Variants in HAO1 observed in about 807,000 individuals in gnomAD.
HAO1 encodes the protein hydroxyacid oxidase 1.
HAO1 carries 34 observed loss-of-function variants against 39.7 expected under a neutral mutation model. The ratio of observed to expected loss-of-function variants is 0.86; its 90% CI spans 0.65 to 1.14. The LOEUF (loss-of-function observed/expected upper bound fraction) is 1.14, where lower values mean the gene tolerates loss of function less well. Ranked by LOEUF, HAO1 falls within the 50% of genes most tolerant of loss-of-function variation. The pLI, the probability that HAO1 is intolerant of heterozygous loss-of-function variation, is 0.00. For missense variants in HAO1, 479 were observed against 464.5 expected (o/e 1.03, Z -0.29); for synonymous variants, 172 against 173.2 (o/e 0.99, Z 0.05).
intron 3 of HAO1, among the ~76,000 whole-genome samples, chr20:7,911,703 CTT>C (rs1248364939): frequency 6.6e-6 from 1 of 152,226 alleles, no homozygotes; most frequent in Non-Finnish European, 1.5e-5. Flanking sequence ...CTCCCCCACA[CTT>C]GGGCAGAGGA....
intron 3 of HAO1, among the ~76,000 whole-genome samples, chr20:7,911,296 G>A (rs929836685): frequency 6.6e-6 from 1 of 152,214 alleles, no homozygotes; most frequent in Middle Eastern, 3.4e-3. Flanking sequence ...ATCATTTCTG[G>A]GCTTAAGAAA....
intron 1 of HAO1, among the ~76,000 whole-genome samples, chr20:7,939,735 A>G (rs551463086): frequency 3.3e-4 from 50 of 152,344 alleles, no homozygotes; most frequent in Admixed American, 2.0e-4. Context: ...TAATTTGGGA[A>G]GAGAGATGAA....
intron 3 of HAO1, among the ~76,000 whole-genome samples, chr20:7,910,018 A>G (rs987166436): frequency 6.6e-6 from 1 of 152,232 alleles, no homozygotes; most frequent in Non-Finnish European, 1.5e-5. Context: ...ATCCCGGTTC[A>G]GCCTCTTACT....
chr20:7,884,977 G>A (rs962835741), intron 7 of HAO1, among the ~76,000 whole-genome samples: 6 of 152,160 alleles, frequency 3.9e-5, no homozygotes, highest in Non-Finnish European at 5.9e-5. Flanking sequence ...CAGTGGAGAT[G>A]ACAGGGAGGT....
At chr20:7,937,496 T>A (rs2050418324) in intron 1 of HAO1, among the ~76,000 whole-genome samples, 1 of 152,108 alleles carries the variant, frequency 6.6e-6, no homozygotes, top group South Asian at 2.1e-4. Flanking sequence ...AATATTAAAG[T>A]GAAAGAATGA....
chr20:7,892,138 G>A lies in HAO1; in HGVS notation c.813+2995C>T, dbSNP rs560653980. On this transcript the variant is annotated intron_variant, in intron 5 of 7. Transcript: ENST00000378789. ...CTCACTCTGTTGCCCAGACTTGAGT[G>A]CAGGGGCATGGATCTCGGCTCACTG... Among the ~76,000 whole-genome samples, 5 of 152,264 alleles carry A rather than the reference G, an allele frequency of 3.3e-5. No homozygotes were observed. The South Asian group carries it at 1.0e-3, about 32-fold the overall frequency.
In HAO1 at chr20:7,883,299, A is replaced by G. The variant is rs1341584584; in HGVS notation, c.*294T>C. Reference sequence around the variant, plus strand: ...TACCTCCAATTTTACTAAAGGATACAGCACTTTAGCCTGCCAGGGGATGAC... The same window carrying G: ...TACCTCCAATTTTACTAAAGGATACGGCACTTTAGCCTGCCAGGGGATGAC... On this transcript the variant is annotated 3_prime_UTR_variant, in exon 8 of 8. Coordinates refer to ENST00000378789, the MANE Select transcript of HAO1 (RefSeq NM_017545.3). 7.4e-6 allele frequency: 3 copies of G among 406,042 alleles called. No individual in the cohort carries two copies. In the East Asian group the frequency reaches 1.3e-4, roughly 18 times the overall value. The allele number at this position is 406,042 out of a possible 1,614,324, so 25.2% of individuals were successfully genotyped here.
At chr20:7,912,168 C>G (rs1436554939) in intron 3 of HAO1, among the ~76,000 whole-genome samples, 1 of 152,160 alleles carries the variant, frequency 6.6e-6, no homozygotes, top group South Asian at 2.1e-4. Context: ...TGCACACCGA[C>G]AGCTGAAAAG....
At chr20:7,922,916 G>A (rs1460701077) in intron 2 of HAO1, among the ~76,000 whole-genome samples, 1 of 151,788 alleles carries the variant, frequency 6.6e-6, no homozygotes, top group Non-Finnish European at 1.5e-5. Flanking sequence ...TCAAAAAATG[G>A]GCTACGGCCA....
At chr20:7,883,964 A>T (rs1028093650) in intron 7 of HAO1, among the ~76,000 whole-genome samples, 1 of 152,210 alleles carries the variant, frequency 6.6e-6, no homozygotes, top group Non-Finnish European at 1.5e-5. Context: ...CATAGTGAGG[A>T]TTCACAGAAT....
chr20:7,900,566 A>G (rs1306383279), intron 4 of HAO1, among the ~76,000 whole-genome samples: 2 of 152,062 alleles, frequency 1.3e-5, no homozygotes, highest in African/African-American at 4.8e-5. Flanking sequence ...TTACTATTGT[A>G]ATTGTTTTGG....
At chr20:7,903,579 GT>G (rs1482048725) in intron 4 of HAO1, among the ~76,000 whole-genome samples, 2 of 151,068 alleles carry the variant, frequency 1.3e-5, no homozygotes, top group East Asian at 2.0e-4. Context: ...GTTGATGGTG[GT>G]TGTGGTTATG....
intron 2 of HAO1, among the ~76,000 whole-genome samples, chr20:7,914,626 G>T (rs746353557): frequency 3.3e-5 from 5 of 152,112 alleles, no homozygotes; most frequent in Non-Finnish European, 7.3e-5. Context: ...AGTTATTTCT[G>T]CTCAGTGTTT....
chr20:7,886,070 C>T (rs561054478), intron 5 of HAO1, among the ~76,000 whole-genome samples: 108 of 152,112 alleles, frequency 7.1e-4, no homozygotes, highest in Non-Finnish European at 1.3e-3. Flanking sequence ...TGGAAATGAG[C>T]AGCTTATTTT....
intron 2 of HAO1, among the ~76,000 whole-genome samples, chr20:7,922,708 G>T (rs1389455189): frequency 6.6e-6 from 1 of 152,148 alleles, no homozygotes. Flanking sequence ...GGGAGCTGCA[G>T]AGTGAGTCTA....
intron 5 of HAO1, among the ~76,000 whole-genome samples, chr20:7,889,216 A>G (rs1451228974): frequency 6.6e-6 from 1 of 151,570 alleles, no homozygotes; most frequent in Non-Finnish European, 1.5e-5. Flanking sequence ...AAATCCCTTT[A>G]GCACTTCACA....
At chr20:7,928,476 T>G (rs2050370228) in intron 2 of HAO1, among the ~76,000 whole-genome samples, 1 of 150,388 alleles carries the variant, frequency 6.6e-6, no homozygotes, top group South Asian at 2.1e-4. Context: ...TTTGGAGATT[T>G]TTGTTGTGAA....
chr20:7,902,470 G>A (rs1476575205), intron 4 of HAO1, among the ~76,000 whole-genome samples: 1 of 152,094 alleles, frequency 6.6e-6, no homozygotes, highest in East Asian at 1.9e-4. Flanking sequence ...TTTAATTAAG[G>A]TATATACATT....
intron 2 of HAO1, among the ~76,000 whole-genome samples, chr20:7,930,444 T>C (rs1213432453): frequency 6.6e-6 from 1 of 152,206 alleles, no homozygotes; most frequent in African/African-American, 2.4e-5. Flanking sequence ...TTACTTAAAT[T>C]TGCCTGTGGC....
Sources: allele counts gnomAD v4.1 joint callset (sites outside exome capture counted in the v4.1 genomes callset), GRCh38; gene constraint gnomAD v4.1.1; transcripts MANE v1.5; gene names NCBI Gene and HGNC (gene_info 2026-07-23, HGNC 2026-07-21).